LPIN1: variants seen among roughly 807,000 people sequenced by gnomAD.
LPIN1 encodes phosphatidate phosphatase LPIN1.
LPIN1 carries 71 observed loss-of-function variants against 107.5 expected under a neutral mutation model. The observed-to-expected ratio is 0.66, with a 90% confidence interval of 0.55 to 0.80. The LOEUF (loss-of-function observed/expected upper bound fraction) is 0.80, where lower values mean the gene tolerates loss of function less well. Among genes scored for constraint, LPIN1 ranks in the 30% least tolerant of loss-of-function variants. LPIN1 has a pLI of 0.00. For synonymous variants in LPIN1, 445 were observed against 452.6 expected, an observed-to-expected ratio of 0.98 and a Z score of 0.21; for missense variants, 1,043 against 1,160.6, an observed-to-expected ratio of 0.90 and a Z score of 1.47.
At chr2:11,753,341 T>TTA (rs758280182) in intron 1 of LPIN1, among the ~76,000 whole-genome samples, 1 of 152,208 alleles carries the variant, frequency 6.6e-6, no homozygotes, top group African/African-American at 2.4e-5. Flanking sequence ...CATCTCCAGC[T>TTA]TTTCTAGTGA....
upstream of LPIN1, among the ~76,000 whole-genome samples, chr2:11,744,999 G>A (rs1283388191): frequency 1.3e-5 from 2 of 152,196 alleles, no homozygotes; most frequent in Non-Finnish European, 2.9e-5. Flanking sequence ...CGGGAGCCGC[G>A]CCCCTGGACA....
At chr2:11,809,169 G>C (rs1027549081) in intron 17 of LPIN1, among the ~76,000 whole-genome samples, 5 of 147,068 alleles carry the variant, frequency 3.4e-5, no homozygotes, top group African/African-American at 1.4e-4. Flanking sequence ...AAGGACTGTT[G>C]CCTAAAAGAT....
At chr2:11,800,260 G>T (rs1304256466) in intron 14 of LPIN1, among the ~76,000 whole-genome samples, 1 of 152,222 alleles carries the variant, frequency 6.6e-6, no homozygotes, top group Non-Finnish European at 1.5e-5. Flanking sequence ...CAGGGAGCAG[G>T]TGCTTAGGGA....
chr2:11,680,062 A>C (rs980302151), intron 1 of LPIN1, among the ~76,000 whole-genome samples: 3 of 152,100 alleles, frequency 2.0e-5, no homozygotes, highest in Non-Finnish European at 4.4e-5. Flanking sequence ...AGCAAAGAAG[A>C]GAAACTGGGA....
chr2:11,809,438 T>C (rs945344135), intron 17 of LPIN1, among the ~76,000 whole-genome samples: 12 of 151,996 alleles, frequency 7.9e-5, no homozygotes, highest in African/African-American at 2.4e-4. Flanking sequence ...TTTTTGGAGA[T>C]GGAGTTTTGC....
chr2:11,804,820 T>G (rs904223655), intron 16 of LPIN1, among the ~76,000 whole-genome samples: 1 of 152,150 alleles, frequency 6.6e-6, no homozygotes, highest in Non-Finnish European at 1.5e-5. Flanking sequence ...AAGAACGTCT[T>G]TTTGAATGGC....
Position 11,712,141 on chromosome 2 carries a change from C to T in LPIN1, c.82-1615C>T, listed in dbSNP as rs78326605. Among the ~76,000 whole-genome samples the T allele has an allele frequency of 1.9e-3, 294 of 152,356 alleles. 3 individuals carry two copies. The highest frequency in any genetic ancestry group is 3.6e-3 in the Non-Finnish European group (245 of 68,040). Reference sequence around the variant, plus strand: ...CTGCCTCCTTGCCCCCTGATCCCCCCGGCATCCCCTTATGCCCACTGCATG... The same window carrying T: ...CTGCCTCCTTGCCCCCTGATCCCCCTGGCATCCCCTTATGCCCACTGCATG... On this transcript the variant is annotated intron_variant, in intron 1 of 21. Coordinates refer to the LPIN1 transcript ENST00000449576.
chr2:11,738,617 T>C (rs927913459), intron 1 of LPIN1, among the ~76,000 whole-genome samples: 1 of 151,900 alleles, frequency 6.6e-6, no homozygotes, highest in African/African-American at 2.4e-5. Flanking sequence ...AGGACAGGGA[T>C]TCCTGGGAGA....
chr2:11,767,453 A>C (rs1671099418), intron 2 of LPIN1: 1 of 353,664 alleles, frequency 2.8e-6, no homozygotes. Flanking sequence ...CTTGCTGCAA[A>C]AATAATTGCA....
Position 11,820,440 on chromosome 2 carries a change from G to T in LPIN1, c.2547G>T (p.Val849=). ...TGTATTCATACAAGCAAGTAGGAGT[G>T]TCTTTGAATAGAATATTTACCGTCA... ...ADVYSYKQVG[V]SLNRIFTVNP... is the part of the protein sequence containing the mutation. The change falls in exon 20 of 21, where the codon GTG becomes GTT. Residue 849 remains valine, a synonymous_variant. Coordinates refer to ENST00000674199, the MANE Select transcript of LPIN1 (RefSeq NM_001349206.2). 6.2e-7 allele frequency: 1 copy of T among 1,613,020 alleles called. No homozygotes were observed. The highest frequency in any genetic ancestry group is 1.7e-5 in the Admixed American group (1 of 60,016).
At chr2:11,764,080 A>ATT in intron 1 of LPIN1, 1 of 42,686 alleles carries the variant, frequency 2.3e-5, no homozygotes, top group East Asian at 4.4e-4. Context: ...GTGTGTGTGT[A>ATT]TATATATATA....
chr2:11,701,366 A>C (rs904657146), intron 1 of LPIN1, among the ~76,000 whole-genome samples: 6 of 152,190 alleles, frequency 3.9e-5, no homozygotes, highest in African/African-American at 1.4e-4. Context: ...CTCAGTGCCT[A>C]GCACAGGTCA....
At chr2:11,721,263 C>CGTGT (rs5829326), upstream of LPIN1, among the ~76,000 whole-genome samples, 6,390 of 129,838 alleles carry the variant, frequency 0.049, 233 homozygotes, top group African/African-American at 0.09. Context: ...GTACTGCATG[C>CGTGT]GTGTGTGTGT....
At chr2:11,815,378 A>G (rs1680396493) in intron 18 of LPIN1, 138 bp downstream of exon 18, 1 of 1,120,108 alleles carries the variant, frequency 8.9e-7, no homozygotes, top group African/African-American at 1.5e-5. Flanking sequence ...CACCAGAAAA[A>G]TCATTCCAAA....
rs766755199 is a variant in LPIN1 at position 11,792,003 on chromosome 2, G to A, written c.1803G>A (p.Lys601=). The A allele has an allele frequency of 3.7e-6, 6 of 1,613,514 alleles. No individual in the cohort carries two copies. The highest frequency in any genetic ancestry group is 4.5e-5 in the East Asian group (2 of 44,868). The part of the protein sequence containing the change: ...FSWRGRNTTI[K]EESKPEQCLA... ...GGAGGGGAAGAAACACCACAATCAA[G>A]GAGGTAAGCCCAGAAGACAAAGCAG... The change falls in exon 13 of 21, where the codon AAG becomes AAA. Residue 601 remains lysine (K), a synonymous_variant. Coordinates refer to ENST00000674199, the MANE Select transcript of LPIN1 (RefSeq NM_001349206.2).
chr2:11,785,386 TCGGCAGCGAGAGAGAAGTGCGC>T (rs1674376332), intron 10 of LPIN1, among the ~76,000 whole-genome samples: 1 of 152,024 alleles, frequency 6.6e-6, no homozygotes, highest in South Asian at 2.1e-4. Context: ...TTAGAGGGTG[TCGGCAGCGAGAGAGAAGTGCGC>T]CGGCGCCTTG....
chr2:11,714,733 T>C (rs185644191), intron 2 of LPIN1, among the ~76,000 whole-genome samples: 1 of 152,196 alleles, frequency 6.6e-6, no homozygotes, highest in Non-Finnish European at 1.5e-5. Flanking sequence ...GACGCTGGAA[T>C]GCTTAGTGTC....
chr2:11,759,050 G>A (rs895918271), intron 1 of LPIN1, among the ~76,000 whole-genome samples: 5 of 152,240 alleles, frequency 3.3e-5, no homozygotes, highest in African/African-American at 1.2e-4. Context: ...TCAGGCCAAT[G>A]CGCCCCCTTT....
chr2:11,785,407 G>C (rs1474937863), intron 10 of LPIN1, among the ~76,000 whole-genome samples: 1 of 152,180 alleles, frequency 6.6e-6, no homozygotes, highest in East Asian at 1.9e-4. Flanking sequence ...AGAGAAGTGC[G>C]CCGGCGCCTT....
Sources: gnomAD v4.1 joint callset for allele counts (sites outside exome capture counted in the v4.1 genomes callset) on GRCh38, gnomAD v4.1.1 for gene constraint, MANE v1.5 for transcripts, NCBI Gene and HGNC (gene_info 2026-07-23, HGNC 2026-07-21) for gene names.